Variants in MTA3 observed in about 807,000 individuals in gnomAD.
The protein encoded by MTA3 is metastasis associated 1 family member 3, also known as metastasis-associated protein MTA3.
In MTA3, 34 loss-of-function variants were observed where a neutral mutation model predicts 83.5. The observed-to-expected ratio is 0.41, with a 90% confidence interval of 0.31 to 0.54. The LOEUF (loss-of-function observed/expected upper bound fraction) is 0.54, where lower values mean the gene tolerates loss of function less well. MTA3 is among the 20% of genes least tolerant of loss of function. The probability of loss-of-function intolerance (pLI) is 0.33; values close to 1 mark genes in which losing one functional copy is unlikely to be tolerated. For synonymous variants in MTA3, 303 were observed against 252.7 expected, an observed-to-expected ratio of 1.20 and a Z score of -1.89; for missense variants, 761 against 726.4, an observed-to-expected ratio of 1.05 and a Z score of -0.55.
rs535037431 is a variant in MTA3, at chr2:42,574,410, G to A, written c.96+3906G>A. ...CAAAGTGCTGGGATTACAGGCGTGA[G>A]CCACCATGCCCGGCCTCCTTTTCTC... On this transcript the variant is annotated intron_variant, in intron 2 of 16. Coordinates refer to ENST00000405094, the MANE Select transcript of MTA3 (RefSeq NM_001330442.2). 2.0e-3 allele frequency among the ~76,000 whole-genome samples: 279 copies of A among 141,574 alleles called. 3 individuals are homozygous for A. The highest frequency in any genetic ancestry group is 6.6e-3 in the African/African-American group (251 of 38,008). 92.9% of individuals were successfully genotyped at this position (141,574 alleles called of 152,430 possible).
At chr2:42,689,442 T>C (rs1262329625) in intron 9 of MTA3, among the ~76,000 whole-genome samples, 2 of 152,212 alleles carry the variant, frequency 1.3e-5, no homozygotes, top group Admixed American at 6.5e-5. Context: ...AGTATTCTCT[T>C]TTCTGTTTTC....
chr2:42,636,926 T>G (rs940173101), intron 4 of MTA3, among the ~76,000 whole-genome samples: 2 of 152,152 alleles, frequency 1.3e-5, no homozygotes, highest in Admixed American at 1.3e-4. Flanking sequence ...CGCCTGGCCC[T>G]CCTCTTTCAT....
intron 2 of MTA3, among the ~76,000 whole-genome samples, chr2:42,549,675 A>T (rs1179209655): frequency 1.6e-5 from 2 of 128,302 alleles, no homozygotes; most frequent in Non-Finnish European, 3.2e-5. Flanking sequence ...TACATATATA[A>T]TATATAATAT....
intron 2 of MTA3, among the ~76,000 whole-genome samples, chr2:42,509,239 C>T (rs1419501393): frequency 1.3e-5 from 2 of 152,042 alleles, no homozygotes; most frequent in Non-Finnish European, 2.9e-5. Context: ...AACGGGGTTT[C>T]ACCATGTTGA....
chr2:42,551,308 A>C (rs1271320178), intron 2 of MTA3, among the ~76,000 whole-genome samples: 1 of 151,886 alleles, frequency 6.6e-6, no homozygotes, highest in African/African-American at 2.4e-5. Context: ...CTCCTGTTTC[A>C]GCCTCCCGAA....
chr2:42,589,449 C>G (rs1328711583), intron 3 of MTA3, among the ~76,000 whole-genome samples: 4 of 152,180 alleles, frequency 2.6e-5, no homozygotes. Context: ...CCTGACAAAC[C>G]AGGCAGCTAA....
rs1220163483 is a variant in MTA3 at position 42,547,467 on chromosome 2, A to C, written c.-140-22970A>C. ...CTCAGCCTCGTAAGTAGTAGCTGGG[A>C]TTACAGGCACGCGCCAACGCGCCCG... On this transcript the variant is annotated intron_variant, in intron 2 of 17. Coordinates refer to the MTA3 transcript ENST00000405592. Among the ~76,000 whole-genome samples the C allele has an allele frequency of 3.3e-5, 5 of 152,222 alleles. No individual in the cohort carries two copies. In the East Asian group the frequency reaches 9.6e-4, roughly 29 times the overall value.
intron 2 of MTA3, among the ~76,000 whole-genome samples, chr2:42,571,305 A>G (rs1272399848): frequency 6.7e-6 from 1 of 149,834 alleles, no homozygotes; most frequent in Non-Finnish European, 1.5e-5. Context: ...AGGCTGAGGC[A>G]GGAGAATCCA....
At chr2:42,745,807 C>T (rs1669363887) in intron 16 of MTA3, among the ~76,000 whole-genome samples, 1 of 95,638 alleles carries the variant, frequency 1.0e-5, no homozygotes, top group Admixed American at 1.0e-4. Context: ...ATTTTTATGT[C>T]CTTTTGAAAT....
Position 42,753,417 on chromosome 2 carries a change from C to T in MTA3, c.*18C>T, listed in dbSNP as rs1352907085. On this transcript the variant is annotated 3_prime_UTR_variant, in exon 17 of 17. Transcript: ENST00000405094. ...CAGACTGAGCTTTCCCTGATTCATT[C>T]TACAATCCAAGACTTGCTGCACTGT... The T allele has an allele frequency of 8.4e-6, 13 of 1,550,478 alleles. No homozygotes were observed. The highest frequency in any genetic ancestry group is 1.1e-5 in the Non-Finnish European group (13 of 1,146,982).
At chr2:42,638,090 C>T (rs1687355092) in intron 4 of MTA3, among the ~76,000 whole-genome samples, 1 of 152,058 alleles carries the variant, frequency 6.6e-6, no homozygotes, top group South Asian at 2.1e-4. Flanking sequence ...GGTTTTACTC[C>T]TCCCCATTAA....
At chr2:42,662,886 C>G (rs1036575559) in intron 8 of MTA3, among the ~76,000 whole-genome samples, 1 of 151,986 alleles carries the variant, frequency 6.6e-6, no homozygotes, top group Non-Finnish European at 1.5e-5. Context: ...CGCACGTCAC[C>G]ACACCTAGCT....
At chr2:42,679,434 A>G (rs1211527217) in intron 8 of MTA3, among the ~76,000 whole-genome samples, 1 of 152,244 alleles carries the variant, frequency 6.6e-6, no homozygotes, top group Non-Finnish European at 1.5e-5. Context: ...CCAATGTGCA[A>G]CTAGGCTTCA....
intron 3 of MTA3, among the ~76,000 whole-genome samples, chr2:42,583,093 G>C (rs1213175652): frequency 6.6e-6 from 1 of 152,110 alleles, no homozygotes; most frequent in Non-Finnish European, 1.5e-5. Context: ...GGAGAAAAAA[G>C]ACACCCATGT....
chr2:42,583,570 A>C (rs6736719), intron 3 of MTA3, among the ~76,000 whole-genome samples: 1 of 152,042 alleles, frequency 6.6e-6, no homozygotes, highest in Non-Finnish European at 1.5e-5. Context: ...GTCTTGCTCT[A>C]TCGCTCAGGC....
chr2:42,656,052 T>A, intron 6 of MTA3, 148 bp from the exon 7 acceptor site: 1 of 572,910 alleles, frequency 1.7e-6, no homozygotes, highest in Admixed American at 3.0e-5. Context: ...CGAGGTGTTG[T>A]ACATCTACGT....
chr2:42,708,012 C>G lies in MTA3; in HGVS notation c.1260C>G (p.Thr420=). The stretch of plus-strand genomic sequence containing the variant: ...AATATGGAGGCTTGAAAATGCCCAC[C>G]CAGTCAGAAGAAGAGAAGTTATCTC... ...WKKYGGLKMP[T]QSEEEKLSPS... is the part of the protein sequence containing the mutation. Residue 420 remains threonine (T), a synonymous_variant, in exon 13 of 17, where the codon ACC becomes ACG. Transcript: ENST00000405094. 6.2e-7 allele frequency: 1 copy of G among 1,613,372 alleles called. No homozygotes were observed. Among genetic ancestry groups the G allele is most frequent in the Non-Finnish European group, 8.5e-7 (1 of 1,179,742 alleles).
chr2:42,731,053 T>G (rs1156696597), intron 16 of MTA3, among the ~76,000 whole-genome samples: 1 of 152,118 alleles, frequency 6.6e-6, no homozygotes, highest in Non-Finnish European at 1.5e-5. Flanking sequence ...AGTTGTAACG[T>G]CTCCTTTTTC....
At chr2:42,521,208 C>T (rs13033481) in intron 2 of MTA3, among the ~76,000 whole-genome samples, 51,852 of 152,044 alleles carry the variant, frequency 0.34, 8,908 homozygotes, top group South Asian at 0.41. Context: ...TTGGCTCACT[C>T]TGAGGGGAGC....
Sources: allele counts gnomAD v4.1 joint callset (sites outside exome capture counted in the v4.1 genomes callset), GRCh38; gene constraint gnomAD v4.1.1; transcripts MANE v1.5; gene names NCBI Gene and HGNC (gene_info 2026-07-23, HGNC 2026-07-21).